Variants in CUEDC1 observed in about 807,000 individuals in gnomAD.
CUEDC1 encodes the protein CUE domain-containing protein 1.
A neutral mutation model predicts 43.7 loss-of-function variants in CUEDC1; 30 were observed. The ratio of observed to expected loss-of-function variants is 0.69; its 90% confidence interval spans 0.51 to 0.93. The LOEUF is 0.93. Ranked by LOEUF, CUEDC1 falls within the 40% of genes least tolerant of loss-of-function variation. The pLI is 0.00. For synonymous variants in CUEDC1, 223 were observed against 223.6 expected (o/e 1.00, Z 0.02); for missense variants, 486 against 549.0 (o/e 0.89, Z 1.15).
chr17:57,953,424 T>C lies in CUEDC1; in HGVS notation c.-316+1801A>G, dbSNP rs576655987. ...CCATGGCCACAAGCCCAAAGTTGCA[T>C]AGGGAGGTCATGAGAAAAGACCTTA... On this transcript the variant is annotated intron_variant, in intron 1 of 10. Coordinates refer to ENST00000577830, the MANE Select transcript of CUEDC1 (RefSeq NM_001271875.2). 1.2e-4 allele frequency among the ~76,000 whole-genome samples: 19 copies of C among 152,248 alleles called. No individual in the cohort carries two copies. The South Asian group carries it at 3.9e-3, about 32-fold the overall frequency.
At chr17:57,892,211 G>A (rs972137395) in intron 1 of CUEDC1, among the ~76,000 whole-genome samples, 1 of 152,162 alleles carries the variant, frequency 6.6e-6, no homozygotes, top group African/African-American at 2.4e-5. Context: ...AAGGGAATGC[G>A]TTATTATCTC....
At chr17:57,946,366 T>G (rs1244184007) in intron 1 of CUEDC1, among the ~76,000 whole-genome samples, 1 of 152,206 alleles carries the variant, frequency 6.6e-6, no homozygotes, top group Non-Finnish European at 1.5e-5. Flanking sequence ...AACATCTGTG[T>G]ATGCCTCACC....
intron 6 of CUEDC1, 52 bp downstream of exon 6, chr17:57,871,234 T>G (rs2074030095): frequency 1.4e-6 from 2 of 1,379,666 alleles, no homozygotes; most frequent in Non-Finnish European, 2.1e-6. Flanking sequence ...CAAAGTTGGG[T>G]GTGAGCTCCC....
rs371099612 is a variant in CUEDC1, at chr17:57,869,186, G to A, written c.876C>T (p.Gly292=). 8.1e-6 allele frequency: 13 copies of A among 1,613,528 alleles called. No individual in the cohort carries two copies. The highest frequency in any genetic ancestry group is 1.6e-4 in the Middle Eastern group (1 of 6,082). Residue 292 remains glycine, a synonymous_variant, in exon 7 of 11, where the codon GGC becomes GGT. Transcript: ENST00000577830. ...FGFSSPVPGT[G]DANPAVSEDA... is the part of the protein sequence containing the mutation. ...CTTCAGACACAGCGGGGTTGGCGTC[G>A]CCAGTTCCTGGAAGGAGACACCTGC...
intron 1 of CUEDC1, among the ~76,000 whole-genome samples, chr17:57,919,096 T>G (rs2074674465): frequency 6.6e-6 from 1 of 152,154 alleles, no homozygotes; most frequent in African/African-American, 2.4e-5. Context: ...CAAGTGATCC[T>G]CCTGCCCTGG....
chr17:57,897,409 G>A (rs2074422925), intron 1 of CUEDC1, among the ~76,000 whole-genome samples: 1 of 152,098 alleles, frequency 6.6e-6, no homozygotes, highest in Non-Finnish European at 1.5e-5. Context: ...AGTGGCTCAC[G>A]CCTGTAATCC....
chr17:57,917,929 C>T (rs138181180), intron 1 of CUEDC1, among the ~76,000 whole-genome samples: 1 of 152,288 alleles, frequency 6.6e-6, no homozygotes, highest in East Asian at 1.9e-4. Flanking sequence ...TGGTGGGGTA[C>T]ATGGACTGCT....
At chr17:57,905,249 GAC>G (rs761744709) in intron 1 of CUEDC1, among the ~76,000 whole-genome samples, 16,023 of 127,862 alleles carry the variant, frequency 0.13, 1,090 homozygotes, top group Non-Finnish European at 0.16. Flanking sequence ...CTCTCTCTCT[GAC>G]ACACACACAC....
intron 3 of CUEDC1, among the ~76,000 whole-genome samples, chr17:57,878,955 C>G (rs1393657853): frequency 6.6e-6 from 1 of 152,222 alleles, no homozygotes; most frequent in Non-Finnish European, 1.5e-5. Context: ...ATGTGAGCCA[C>G]TGTGCCCAGC....
In CUEDC1 at chr17:57,885,697, G is replaced by T; in HGVS notation, c.-133C>A. 1 of 1,287,474 alleles carries T rather than the reference G, an allele frequency of 7.8e-7. No homozygotes were observed. The highest frequency in any genetic ancestry group is 9.8e-7 in the Non-Finnish European group (1 of 1,017,136). The allele number at this position is 1,287,474 out of a possible 1,614,324, so 79.8% of individuals were successfully genotyped here. ...TCCTGCGCCTCCTCCTCCCCGGGTA[G>T]CCAGGCAGCAATGGGCTGCCAAGAG... On this transcript the variant is annotated 5_prime_UTR_variant, in exon 2 of 11. Coordinates refer to ENST00000577830, the MANE Select transcript of CUEDC1 (RefSeq NM_001271875.2).
intron 2 of CUEDC1, among the ~76,000 whole-genome samples, chr17:57,881,268 G>A (rs546109477): frequency 5.3e-5 from 8 of 152,328 alleles, no homozygotes; most frequent in African/African-American, 1.2e-4. Context: ...GAGGCCTCCC[G>A]CCCTGGAATG....
intron 1 of CUEDC1, among the ~76,000 whole-genome samples, chr17:57,894,662 T>C (rs1419490586): frequency 6.6e-6 from 1 of 152,168 alleles, no homozygotes; most frequent in African/African-American, 2.4e-5. Context: ...AGTGAGACTC[T>C]GTCTCAAAAA....
chr17:57,872,729 G>A lies in CUEDC1; in HGVS notation c.718C>T (p.Leu240=), dbSNP rs1216992595. The A allele has an allele frequency of 6.8e-6, 11 of 1,614,220 alleles. No homozygotes were observed. Among genetic ancestry groups the A allele is most frequent in the Non-Finnish European group, 6.8e-6 (8 of 1,180,046 alleles). The change falls in exon 5 of 11, where the codon CTG becomes TTG. Residue 240 remains leucine (L), a synonymous_variant. Transcript: ENST00000577830. ...TCCTTCATGAACTCCTCGTTCTGCA[G>A]GAAAAGCGCGATCCTCTCGTCCTCC... The part of the protein sequence containing the change: ...YLEDERIALF[L]QNEEFMKELQ...
At chr17:57,920,563 G>A (rs1811938522) in intron 1 of CUEDC1, among the ~76,000 whole-genome samples, 1 of 152,070 alleles carries the variant, frequency 6.6e-6, no homozygotes, top group Admixed American at 6.6e-5. Context: ...TGAGAAATGG[G>A]ATGGGATTGG....
intron 1 of CUEDC1, among the ~76,000 whole-genome samples, chr17:57,909,189 G>A (rs991728758): frequency 4.6e-5 from 7 of 152,124 alleles, no homozygotes; most frequent in African/African-American, 1.7e-4. Flanking sequence ...TGGCGAGACG[G>A]GGTTTCACCA....
intron 1 of CUEDC1, among the ~76,000 whole-genome samples, chr17:57,950,315 T>C (rs535711595): frequency 6.6e-6 from 1 of 151,780 alleles, no homozygotes; most frequent in East Asian, 1.9e-4. Flanking sequence ...CAAACCTGGA[T>C]AATTTTTTTG....
chr17:57,862,806 G>T lies in CUEDC1; in HGVS notation c.*483C>A. ...AGTGCCCGGAGGGAGCTGAGGAAGGGGGACCAGAAGGGAGCTGAGGAAAGG... is the reference window on the plus strand; with the variant it reads ...AGTGCCCGGAGGGAGCTGAGGAAGGTGGACCAGAAGGGAGCTGAGGAAAGG... On this transcript the variant is annotated 3_prime_UTR_variant, in exon 11 of 11. Coordinates refer to ENST00000577830, the MANE Select transcript of CUEDC1 (RefSeq NM_001271875.2). 6.5e-6 allele frequency: 1 copy of T among 152,826 alleles called. No individual in the cohort carries two copies. 9.5% of individuals were successfully genotyped at this position (152,826 alleles called of 1,614,324 possible). A position where few individuals can be genotyped will look rare whatever the true frequency, so the allele number is the denominator to read the frequency against.
intron 1 of CUEDC1, among the ~76,000 whole-genome samples, chr17:57,917,430 C>T (rs562142186): frequency 7.2e-5 from 11 of 152,384 alleles, no homozygotes; most frequent in African/African-American, 2.4e-4. Flanking sequence ...TGCACCAACA[C>T]AATCCTGCCC....
intron 10 of CUEDC1, among the ~76,000 whole-genome samples, chr17:57,864,393 G>A (rs950816393): frequency 2.0e-5 from 3 of 152,142 alleles, no homozygotes; most frequent in African/African-American, 4.8e-5. Context: ...AGAAGACTTC[G>A]AAGAGGGTCA....
Sources: gnomAD v4.1 joint callset for allele counts (sites outside exome capture counted in the v4.1 genomes callset) on GRCh38, gnomAD v4.1.1 for gene constraint, MANE v1.5 for transcripts, NCBI Gene and HGNC (gene_info 2026-07-23, HGNC 2026-07-21) for gene names.